Variants in ANKRD6 observed in about 807,000 individuals in gnomAD.
The protein encoded by ANKRD6 is ankyrin repeat domain-containing protein 6.
ANKRD6 carries 56 observed loss-of-function variants against 82.3 expected under a neutral mutation model. That is an observed-to-expected ratio of 0.68 (90% CI 0.55 to 0.85). ANKRD6 has a LOEUF of 0.85. ANKRD6 is among the 40% of genes least tolerant of loss of function. The pLI, the probability that ANKRD6 is intolerant of heterozygous loss-of-function variation, is 0.00. For missense variants in ANKRD6, 852 were observed against 907.6 expected, an observed-to-expected ratio of 0.94 and a Z score of 0.79; for synonymous variants, 347 against 352.1, an observed-to-expected ratio of 0.99 and a Z score of 0.16.
chr6:89,486,785 C>T (rs1361565113), intron 1 of ANKRD6, among the ~76,000 whole-genome samples: 5 of 152,184 alleles, frequency 3.3e-5, no homozygotes, highest in African/African-American at 1.2e-4. Flanking sequence ...TGGCCCTCTT[C>T]CTGGTTTCCT....
intron 6 of ANKRD6, 84 bp downstream of exon 6, chr6:89,612,454 A>G: frequency 7.7e-7 from 1 of 1,304,400 alleles, no homozygotes; most frequent in Non-Finnish European, 1.0e-6. Context: ...TTGAACCTTA[A>G]CATCTAGAAA....
chr6:89,477,599 A>G (rs151231562), intron 1 of ANKRD6, among the ~76,000 whole-genome samples: 7,045 of 151,818 alleles, frequency 0.046, 233 homozygotes, highest in South Asian at 0.13. Flanking sequence ...GCGAAACCTC[A>G]TCTGTACTAA....
chr6:89,624,004 A>G lies in ANKRD6; in HGVS notation c.1165A>G (p.Arg389Gly). Residue 389 changes from arginine to glycine, a missense_variant, in exon 12 of 16, where the codon AGG becomes GGG. Arg to Gly is a moderately radical substitution (Grantham distance 125, BLOSUM62 -2). Coordinates refer to ENST00000339746, the MANE Select transcript of ANKRD6 (RefSeq NM_001242809.2). The part of the protein sequence containing the change: ...CSSPPPPHEF[R>G]AYQLYTLYRG... Reference sequence around the variant, plus strand: ...ATCCCCACCCCCACCCCATGAGTTCAGGGCGTATCAGCTCTACACATTGTA... The same window carrying G: ...ATCCCCACCCCCACCCCATGAGTTCGGGGCGTATCAGCTCTACACATTGTA... 6.2e-7 allele frequency: 1 copy of G among 1,610,314 alleles called. No homozygotes were observed. The highest frequency in any genetic ancestry group is 8.5e-7 in the Non-Finnish European group (1 of 1,178,836).
intron 8 of ANKRD6, 73 bp from the exon 9 acceptor site, chr6:89,617,881 G>T: frequency 6.9e-7 from 1 of 1,455,376 alleles, no homozygotes; most frequent in South Asian, 1.2e-5. Context: ...CCTGGCCAGA[G>T]CTGTGCCAGC....
intron 1 of ANKRD6, among the ~76,000 whole-genome samples, chr6:89,540,499 T>C (rs1005831890): frequency 6.6e-6 from 1 of 152,232 alleles, no homozygotes; most frequent in African/African-American, 2.4e-5. Flanking sequence ...TAGAGTTGTT[T>C]GAGCTCCTTA....
intron 1 of ANKRD6, among the ~76,000 whole-genome samples, chr6:89,511,083 T>A (rs1377303925): frequency 6.6e-6 from 1 of 152,186 alleles, no homozygotes; most frequent in Non-Finnish European, 1.5e-5. Flanking sequence ...ACCCTTGACA[T>A]GGGGTAAGTC....
At chr6:89,588,404 T>C (rs1431863821) in intron 2 of ANKRD6, among the ~76,000 whole-genome samples, 1 of 152,182 alleles carries the variant, frequency 6.6e-6, no homozygotes, top group Non-Finnish European at 1.5e-5. Flanking sequence ...AAGGCTTGAC[T>C]CAAAAAAGAC....
intron 1 of ANKRD6, among the ~76,000 whole-genome samples, chr6:89,563,185 C>A (rs1298079029): frequency 6.6e-6 from 1 of 152,166 alleles, no homozygotes; most frequent in Non-Finnish European, 1.5e-5. Context: ...AGACCTTTTT[C>A]TGTAAAAAGA....
At chr6:89,504,731 C>T (rs895167268) in intron 1 of ANKRD6, among the ~76,000 whole-genome samples, 2 of 152,170 alleles carry the variant, frequency 1.3e-5, no homozygotes, top group African/African-American at 2.4e-5. Flanking sequence ...GTAAAGGAAA[C>T]AAATTGGGAA....
intron 1 of ANKRD6, among the ~76,000 whole-genome samples, chr6:89,536,578 G>A (rs1783867793): frequency 6.6e-6 from 1 of 152,234 alleles, no homozygotes; most frequent in African/African-American, 2.4e-5. Flanking sequence ...AGTTTGTTAA[G>A]GAATGTAGCT....
chr6:89,437,983 A>G (rs990273776), intron 1 of ANKRD6, among the ~76,000 whole-genome samples: 1 of 152,120 alleles, frequency 6.6e-6, no homozygotes, highest in African/African-American at 2.4e-5. Flanking sequence ...TGGTAGAGAC[A>G]GGGTTTCACC....
rs187814162 is a variant in ANKRD6 at position 89,460,688 on chromosome 6, G to A, written c.-144+27313G>A. Among the ~76,000 whole-genome samples, 357 of 151,838 alleles carry A rather than the reference G, an allele frequency of 2.4e-3. 1 individual carries two copies. Among genetic ancestry groups the A allele is most frequent in the African/African-American group, 8.4e-3 (346 of 41,386 alleles). On this transcript the variant is annotated intron_variant, in intron 1 of 15. Coordinates refer to ENST00000339746, the MANE Select transcript of ANKRD6 (RefSeq NM_001242809.2). Reference sequence around the variant, plus strand: ...TGACCCCAGGCAATCCGGCTGTCTTGGCCTCCCAAAGTGCTGGGATTACAG... The same window carrying A: ...TGACCCCAGGCAATCCGGCTGTCTTAGCCTCCCAAAGTGCTGGGATTACAG...
intron 1 of ANKRD6, among the ~76,000 whole-genome samples, chr6:89,544,216 T>C (rs1301631550): frequency 1.3e-5 from 2 of 150,038 alleles, no homozygotes; most frequent in Non-Finnish European, 3.0e-5. Flanking sequence ...AGTACCAGCA[T>C]CTCCATTTAA....
At chr6:89,440,031 C>T (rs1771168982) in intron 1 of ANKRD6, among the ~76,000 whole-genome samples, 1 of 152,192 alleles carries the variant, frequency 6.6e-6, no homozygotes, top group Non-Finnish European at 1.5e-5. Context: ...TTTCCTGTTT[C>T]ATGGTGCTCA....
At chr6:89,549,492 C>T (rs1785531632) in intron 1 of ANKRD6, among the ~76,000 whole-genome samples, 1 of 151,922 alleles carries the variant, frequency 6.6e-6, no homozygotes, top group African/African-American at 2.4e-5. Flanking sequence ...ATGTCCCAGC[C>T]TCCAGAACTG....
rs981301185 is a variant in ANKRD6 at position 89,548,311 on chromosome 6, T to C, written c.-143-18523T>C. Among the ~76,000 whole-genome samples the C allele has an allele frequency of 4.6e-5, 7 of 152,360 alleles. No individual in the cohort carries two copies. In the East Asian group the frequency reaches 1.3e-3, roughly 29 times the overall value. The stretch of plus-strand genomic sequence containing the variant: ...TGTGGTGTTTTGTATCTGGCTTCTT[T>C]TACATAGTTTAATTTTTCAAGATGC... On this transcript the variant is annotated intron_variant, in intron 1 of 15. Coordinates refer to ENST00000339746, the MANE Select transcript of ANKRD6 (RefSeq NM_001242809.2).
At chr6:89,605,318 G>T (rs1798263321) in intron 4 of ANKRD6, among the ~76,000 whole-genome samples, 1 of 151,752 alleles carries the variant, frequency 6.6e-6, no homozygotes, top group African/African-American at 2.4e-5. Flanking sequence ...GGAGGCAGAG[G>T]TGGCAGTGAG....
At chr6:89,557,133 A>C (rs2128043152) in intron 1 of ANKRD6, among the ~76,000 whole-genome samples, 1 of 152,264 alleles carries the variant, frequency 6.6e-6, no homozygotes, top group Non-Finnish European at 1.5e-5. Context: ...GGGAGGAAGG[A>C]TGGTGATTTG....
At chr6:89,547,086 A>G (rs1367679487) in intron 1 of ANKRD6, among the ~76,000 whole-genome samples, 4 of 152,116 alleles carry the variant, frequency 2.6e-5, no homozygotes, top group Non-Finnish European at 5.9e-5. Flanking sequence ...TCGGCCTCCC[A>G]AAGTGCTGGG....
Sources: allele counts gnomAD v4.1 joint callset (sites outside exome capture counted in the v4.1 genomes callset), GRCh38; gene constraint gnomAD v4.1.1; transcripts MANE v1.5; gene names NCBI Gene and HGNC (gene_info 2026-07-23, HGNC 2026-07-21).